The following FOXRED1 variants were observed in gnomAD, a reference collection of about 807,000 sequenced individuals.
The protein encoded by FOXRED1 is FAD-dependent oxidoreductase domain-containing protein 1.
Under a neutral mutation model 57.8 loss-of-function variants are expected in FOXRED1, and 52 were observed. The observed-to-expected ratio is 0.90, with a 90% CI of 0.72 to 1.13. FOXRED1 has a LOEUF of 1.13. Among genes scored for constraint, FOXRED1 ranks in the 50% most tolerant of loss-of-function variants. The probability of loss-of-function intolerance (pLI) is 0.00; values close to 1 mark genes in which losing one functional copy is unlikely to be tolerated. For synonymous variants in FOXRED1, 271 were observed against 248.3 expected (o/e 1.09, Z -0.86); for missense variants, 589 against 625.2 (o/e 0.94, Z 0.62).
Position 126,277,211 on chromosome 11 carries a change from G to A in FOXRED1, c.1206+36G>A. 1 of 1,422,870 alleles carries A rather than the reference G, an allele frequency of 7.0e-7. No homozygotes were observed. The highest frequency in any genetic ancestry group is 9.9e-7 in the Non-Finnish European group (1 of 1,006,284). The allele number at this position is 1,422,870 out of a possible 1,614,324, so 88.1% of individuals were successfully genotyped here. On this transcript the variant is annotated intron_variant, in intron 10 of 10. Transcript: ENST00000263578. The surrounding 1 kb of genome is among the most constrained non-coding windows in gnomAD (Gnocchi z 6.8). ...AGGGCTGGTTTTCCTTTTTATTTTT[G>A]GACATTGGATGGGACAGATGACAGT...
rs1436360811 is a variant in FOXRED1, at chr11:126,274,862, A to G, written c.537-65A>G. 2.1e-6 allele frequency: 2 copies of G among 946,604 alleles called. No homozygotes were observed. The highest frequency in any genetic ancestry group is 3.5e-6 in the Non-Finnish European group (2 of 570,138). The allele number at this position is 946,604 out of a possible 1,614,324, so 58.6% of individuals were successfully genotyped here. A position where few individuals can be genotyped will look rare whatever the true frequency, so the allele number is the denominator to read the frequency against. ...CTCCCCACTTGTGGAGTTGGGGTCC[A>G]TACATCATCCCCCTGCACACTCCCC... On this transcript the variant is annotated intron_variant, in intron 4 of 10. Coordinates refer to ENST00000263578, the MANE Select transcript of FOXRED1 (RefSeq NM_017547.4). This position sits in a 1 kb window ranked among gnomAD's most constrained non-coding sequence, Gnocchi z 4.8.
intron 1 of FOXRED1, 174 bp downstream of exon 1, chr11:126,269,465 C>A: frequency 7.9e-7 from 1 of 1,264,956 alleles, no homozygotes; most frequent in Non-Finnish European, 1.1e-6. Context: ...GTATGGCTCC[C>A]AAGGCGGCCC....
rs1950993899 is a variant in FOXRED1 at position 126,271,823 on chromosome 11, T to G, written c.306+166T>G. The stretch of plus-strand genomic sequence containing the variant: ...TTTGTTGAGAAATTTTCCTAGGATC[T>G]TCCTCAGTCGAACCAGGAAGCTTGG... On this transcript the variant is annotated intron_variant, in intron 2 of 10. Transcript: ENST00000263578. The surrounding 1 kb of genome is among the most constrained non-coding windows in gnomAD (Gnocchi z 5.3). The G allele has an allele frequency of 3.0e-6, 2 of 665,606 alleles. No individual in the cohort carries two copies. Among genetic ancestry groups the G allele is most frequent in the Non-Finnish European group, 5.4e-6 (2 of 367,564 alleles). 41.2% of individuals were successfully genotyped at this position (665,606 alleles called of 1,614,324 possible). A position where few individuals can be genotyped will look rare whatever the true frequency, so the allele number is the denominator to read the frequency against.
intron 1 of FOXRED1, among the ~76,000 whole-genome samples, chr11:126,269,844 A>G (rs924742240): frequency 6.6e-6 from 1 of 151,884 alleles, no homozygotes; most frequent in Admixed American, 6.6e-5. Flanking sequence ...AAAATTAGCT[A>G]GGTGTGGTGG....
At position 126,273,647 on chromosome 11, in the gene FOXRED1, T is replaced by C. The variant is rs1332072912; in HGVS notation, c.536+193T>C. 1 of 620,864 alleles carries C rather than the reference T, an allele frequency of 1.6e-6. No homozygotes were observed. Among genetic ancestry groups the C allele is most frequent in the African/African-American group, 1.8e-5 (1 of 54,956 alleles). 38.5% of individuals were successfully genotyped at this position (620,864 alleles called of 1,614,324 possible). A position where few individuals can be genotyped will look rare whatever the true frequency, so the allele number is the denominator to read the frequency against. Reference sequence around the variant, plus strand: ...TGTACCACAGATATGGACAAAACACTGCGAGGTGCTTCCTAATTTGTCAGA... The same window carrying C: ...TGTACCACAGATATGGACAAAACACCGCGAGGTGCTTCCTAATTTGTCAGA... On this transcript the variant is annotated intron_variant, in intron 4 of 10. Transcript: ENST00000263578. This position sits in a 1 kb window ranked among gnomAD's most constrained non-coding sequence, Gnocchi z 5.9.
rs1951050051 is a variant in FOXRED1 at position 126,273,538 on chromosome 11, G to A, written c.536+84G>A. The A allele has an allele frequency of 1.1e-6, 1 of 913,710 alleles. No individual in the cohort carries two copies. The highest frequency in any genetic ancestry group is 1.8e-6 in the Non-Finnish European group (1 of 546,146). 56.6% of individuals were successfully genotyped at this position (913,710 alleles called of 1,614,324 possible). On this transcript the variant is annotated intron_variant, in intron 4 of 10. Coordinates refer to ENST00000263578, the MANE Select transcript of FOXRED1 (RefSeq NM_017547.4). This position sits in a 1 kb window ranked among gnomAD's most constrained non-coding sequence, Gnocchi z 5.9. Reference sequence around the variant, plus strand: ...GCACCAGGTTAGGAAGCGAGAAAGTGGAGTTGATAAGACAGATCCCTGCGG... The same window carrying A: ...GCACCAGGTTAGGAAGCGAGAAAGTAGAGTTGATAAGACAGATCCCTGCGG...
chr11:126,271,202 G>A lies in FOXRED1; in HGVS notation c.86-235G>A. On this transcript the variant is annotated intron_variant, in intron 1 of 10. Coordinates refer to ENST00000263578, the MANE Select transcript of FOXRED1 (RefSeq NM_017547.4). This position sits in a 1 kb window ranked among gnomAD's most constrained non-coding sequence, Gnocchi z 5.3. ...GAGGTAATGTAGAAAATTAATTTTA[G>A]GAAATTGAATCTTGCAGTGCTTGGC... 1.9e-6 allele frequency: 1 copy of A among 525,514 alleles called. No homozygotes were observed. The highest frequency in any genetic ancestry group is 3.4e-6 in the Non-Finnish European group (1 of 292,036). 32.6% of individuals were successfully genotyped at this position (525,514 alleles called of 1,614,324 possible).
rs1951040239 is a variant in FOXRED1, at chr11:126,273,231, C to T, written c.418-105C>T. On this transcript the variant is annotated intron_variant, in intron 3 of 10. Coordinates refer to ENST00000263578, the MANE Select transcript of FOXRED1 (RefSeq NM_017547.4). This position sits in a 1 kb window ranked among gnomAD's most constrained non-coding sequence, Gnocchi z 5.9. ...GGCCTTCTTCCTAGTGGTGGTGCCG[C>T]AGGTCTGGGGCACTGAGCCTGGGGA... is the stretch of plus-strand genomic sequence containing the variant. The T allele has an allele frequency of 2.0e-6, 2 of 1,008,790 alleles. No homozygotes were observed. Among genetic ancestry groups the T allele is most frequent in the East Asian group, 2.4e-5 (1 of 42,220 alleles). 62.5% of individuals were successfully genotyped at this position (1,008,790 alleles called of 1,614,324 possible). A position where few individuals can be genotyped will look rare whatever the true frequency, so the allele number is the denominator to read the frequency against.
At position 126,275,283 on chromosome 11, in the gene FOXRED1, G is replaced by C; in HGVS notation, c.632-44G>C. On this transcript the variant is annotated intron_variant, in intron 5 of 10. Coordinates refer to ENST00000263578, the MANE Select transcript of FOXRED1 (RefSeq NM_017547.4). This position sits in a 1 kb window ranked among gnomAD's most constrained non-coding sequence, Gnocchi z 5.9. Reference sequence around the variant, plus strand: ...GCACAGGAAATACAATCCAAGAGCAGAAGTCCTCATCCCTCTTTGTGAGTT... The same window carrying C: ...GCACAGGAAATACAATCCAAGAGCACAAGTCCTCATCCCTCTTTGTGAGTT... The C allele has an allele frequency of 7.3e-7, 1 of 1,375,808 alleles. No homozygotes were observed. The highest frequency in any genetic ancestry group is 1.0e-6 in the Non-Finnish European group (1 of 962,648). The allele number at this position is 1,375,808 out of a possible 1,614,324, so 85.2% of individuals were successfully genotyped here.
chr11:126,273,181 C>G lies in FOXRED1; in HGVS notation c.417+102C>G. Reference sequence around the variant, plus strand: ...AGGTAGCCAGAGAGCAAGAATGGGTCAGCCAACTAGGAGAGGGGGGCCCTG... The same window carrying G: ...AGGTAGCCAGAGAGCAAGAATGGGTGAGCCAACTAGGAGAGGGGGGCCCTG... On this transcript the variant is annotated intron_variant, in intron 3 of 10. Transcript: ENST00000263578. The surrounding 1 kb of genome is among the most constrained non-coding windows in gnomAD (Gnocchi z 5.9). The G allele has an allele frequency of 1.0e-6, 1 of 969,104 alleles. No individual in the cohort carries two copies. Among genetic ancestry groups the G allele is most frequent in the Non-Finnish European group, 1.7e-6 (1 of 591,942 alleles). 60.0% of individuals were successfully genotyped at this position (969,104 alleles called of 1,614,324 possible).
chr11:126,276,348 C>T lies in FOXRED1; in HGVS notation c.972-46C>T, dbSNP rs779885096. ...GGGTGGACAGGGTTGGGGAGGGTTG[C>T]CGGCCATGCTGTTTCTGCAGTTCGT... On this transcript the variant is annotated intron_variant, in intron 8 of 10. Transcript: ENST00000263578. 9.2e-6 allele frequency: 6 copies of T among 655,476 alleles called. No individual in the cohort carries two copies. In the Admixed American group the frequency reaches 2.5e-4, roughly 27 times the overall value. The allele number at this position is 655,476 out of a possible 1,614,324, so 40.6% of individuals were successfully genotyped here. A position where few individuals can be genotyped will look rare whatever the true frequency, so the allele number is the denominator to read the frequency against.
Position 126,272,934 on chromosome 11 carries a change from A to G in FOXRED1, c.307-35A>G. On this transcript the variant is annotated intron_variant, in intron 2 of 10. Coordinates refer to ENST00000263578, the MANE Select transcript of FOXRED1 (RefSeq NM_017547.4). This position sits in a 1 kb window ranked among gnomAD's most constrained non-coding sequence, Gnocchi z 4.6. ...GTATTCTAGTCACATGTGATAGGGT[A>G]CTGGTCTACCTCAACTTTTCTTGTC... The G allele has an allele frequency of 1.0e-6, 1 of 983,040 alleles. No individual in the cohort carries two copies. Among genetic ancestry groups the G allele is most frequent in the East Asian group, 2.4e-5 (1 of 42,112 alleles). The allele number at this position is 983,040 out of a possible 1,614,324, so 60.9% of individuals were successfully genotyped here. A position where few individuals can be genotyped will look rare whatever the true frequency, so the allele number is the denominator to read the frequency against.
In FOXRED1 at chr11:126,272,955, T is replaced by C. The variant is rs541684918; in HGVS notation, c.307-14T>C. 6.8e-4 allele frequency: 921 copies of C among 1,352,372 alleles called. 13 individuals carry two copies. The South Asian group carries it at 0.01, about 15-fold the overall frequency. 83.8% of individuals were successfully genotyped at this position (1,352,372 alleles called of 1,614,324 possible). ...GGGTACTGGTCTACCTCAACTTTTCTTGTCTTTCCACAGTATTCACAGGCC... is the reference window on the plus strand; with the variant it reads ...GGGTACTGGTCTACCTCAACTTTTCCTGTCTTTCCACAGTATTCACAGGCC... On this transcript the variant is annotated splice_polypyrimidine_tract_variant and intron_variant, in intron 2 of 10. Transcript: ENST00000263578. The surrounding 1 kb of genome is among the most constrained non-coding windows in gnomAD (Gnocchi z 4.6).
Position 126,277,551 on chromosome 11 carries a change from G to T in FOXRED1, c.1323G>T (p.Gly441=). Residue 441 remains glycine (G), a synonymous_variant, in exon 11 of 11, where the codon GGG becomes GGT. Transcript: ENST00000263578. This position sits in a 1 kb window ranked among gnomAD's most constrained non-coding sequence, Gnocchi z 6.8. ...TTGCTACTGGCTTCAGTGGTCACGG[G>T]CTCCAGCAGGCCCCTGGCATTGGGC... ...MYFATGFSGH[G]LQQAPGIGRA... 1 of 1,613,728 alleles carries T rather than the reference G, an allele frequency of 6.2e-7. No individual in the cohort carries two copies. The highest frequency in any genetic ancestry group is 8.5e-7 in the Non-Finnish European group (1 of 1,180,032).
In FOXRED1 at chr11:126,277,089, G is replaced by A. The variant is rs1390518128; in HGVS notation, c.1120G>A (p.Ala374Thr). 1 of 1,612,858 alleles carries A rather than the reference G, an allele frequency of 6.2e-7. No homozygotes were observed. The highest frequency in any genetic ancestry group is 8.5e-7 in the Non-Finnish European group (1 of 1,179,418). ...SPTEQEEPDP[A>T]NLEVDHDFFQ... is the part of the protein sequence containing the mutation. ...ACTCCAGCAGGAAGAACCGGACCCG[G>A]CGAACCTGGAAGTGGACCATGATTT... The change falls in exon 10 of 11, where the codon GCG becomes ACG. Residue 374 changes from alanine (A) to threonine (T), a missense_variant. By Grantham distance (58) the Ala-to-Thr change is moderately conservative (BLOSUM62 0). Coordinates refer to ENST00000263578, the MANE Select transcript of FOXRED1 (RefSeq NM_017547.4). This position sits in a 1 kb window ranked among gnomAD's most constrained non-coding sequence, Gnocchi z 6.8.
chr11:126,275,856 A>T lies in FOXRED1; in HGVS notation c.796A>T (p.Ile266Phe), dbSNP rs1289894750. 1.9e-6 allele frequency: 3 copies of T among 1,611,032 alleles called. No individual in the cohort carries two copies. Among genetic ancestry groups the T allele is most frequent in the Admixed American group, 1.7e-5 (1 of 59,994 alleles). Residue 266 changes from isoleucine (I) to phenylalanine (F), a missense_variant, in exon 7 of 11, where the codon ATC (isoleucine) becomes TTC (phenylalanine). Physicochemically the swap from Ile to Phe is conservative, Grantham distance 21. Coordinates refer to ENST00000263578, the MANE Select transcript of FOXRED1 (RefSeq NM_017547.4). This position sits in a 1 kb window ranked among gnomAD's most constrained non-coding sequence, Gnocchi z 5.9. ...TGACAAAGCGGTGGTCTTGAAAAGG[A>T]TCCATGAAGTCCATGTAAGTTTCTA... ...TDDKAVVLKR[I>F]HEVHVKMDRS... is the part of the protein sequence containing the mutation.
Position 126,271,842 on chromosome 11 carries a change from A to G in FOXRED1, c.306+185A>G. The G allele has an allele frequency of 1.6e-6, 1 of 631,988 alleles. No individual in the cohort carries two copies. The highest frequency in any genetic ancestry group is 2.9e-6 in the Non-Finnish European group (1 of 348,870). The allele number at this position is 631,988 out of a possible 1,614,324, so 39.1% of individuals were successfully genotyped here. ...AGGATCTTCCTCAGTCGAACCAGGAAGCTTGGCAATAAGGTTTGTTCTTTT... is the reference window on the plus strand; with the variant it reads ...AGGATCTTCCTCAGTCGAACCAGGAGGCTTGGCAATAAGGTTTGTTCTTTT... On this transcript the variant is annotated intron_variant, in intron 2 of 10. Coordinates refer to ENST00000263578, the MANE Select transcript of FOXRED1 (RefSeq NM_017547.4). The surrounding 1 kb of genome is among the most constrained non-coding windows in gnomAD (Gnocchi z 5.3).
chr11:126,276,256 A>G, intron 8 of FOXRED1, 37 bp downstream of exon 8: 5 of 853,778 alleles, frequency 5.9e-6, no homozygotes, highest in Non-Finnish European at 7.1e-6. Context: ...GGTTGGTGAG[A>G]AAGAAAGAAA....
At position 126,276,171 on chromosome 11, in the gene FOXRED1, C is replaced by T. The variant is rs775406644; in HGVS notation, c.923C>T (p.Pro308Leu). ...IAALAGVGEGPPGTLQGTKLP... is the reference protein window; with the variant it reads ...IAALAGVGEGLPGTLQGTKLP... Reference sequence around the variant, plus strand: ...GCACTGGCTGGTGTTGGAGAGGGGCCGCCTGGCACCCTGCAGGGCACCAAG... The same window carrying T: ...GCACTGGCTGGTGTTGGAGAGGGGCTGCCTGGCACCCTGCAGGGCACCAAG... The change falls in exon 8 of 11, where the codon CCG becomes CTG. Residue 308 changes from proline (P) to leucine (L), a missense_variant. Transcript: ENST00000263578. 7 of 1,609,276 alleles carry T rather than the reference C, an allele frequency of 4.3e-6. No individual in the cohort carries two copies. Among genetic ancestry groups the T allele is most frequent in the African/African-American group, 1.3e-5 (1 of 74,438 alleles).
Sources: allele counts gnomAD v4.1 joint callset (sites outside exome capture counted in the v4.1 genomes callset), GRCh38; gene constraint gnomAD v4.1.1; non-coding constraint Gnocchi (gnomAD v3.1); transcripts MANE v1.5; gene names NCBI Gene and HGNC (gene_info 2026-07-23, HGNC 2026-07-21).